Variants in ZC3H12B observed in about 807,000 individuals in gnomAD.
ZC3H12B encodes probable ribonuclease ZC3H12B.
A neutral mutation model predicts 43.9 loss-of-function variants in ZC3H12B; 7 were observed. The ratio of observed to expected loss-of-function variants is 0.16; its 90% CI spans 0.09 to 0.30. The LOEUF (loss-of-function observed/expected upper bound fraction) is 0.30, where lower values mean the gene tolerates loss of function less well. ZC3H12B is among the 10% of genes least tolerant of loss of function. The pLI, the probability that ZC3H12B is intolerant of heterozygous loss-of-function variation, is 1.00. For missense variants in ZC3H12B, 475 were observed against 670.2 expected, an observed-to-expected ratio of 0.71 and a Z score of 3.22; for synonymous variants, 222 against 241.7, an observed-to-expected ratio of 0.92 and a Z score of 0.76.
the ZC3H12B span, among the ~76,000 whole-genome samples, chrX:65,175,835 C>A: frequency 1.8e-5 from 2 of 111,608 alleles, no homozygotes; most frequent in Non-Finnish European, 3.8e-5. Context: ...AAAACTGTGC[C>A]ATGAGAGACG....
the ZC3H12B span, among the ~76,000 whole-genome samples, chrX:65,167,963 C>T: frequency 2.7e-5 from 3 of 111,887 alleles, no homozygotes; most frequent in Non-Finnish European, 5.6e-5. Flanking sequence ...TCGAAATATA[C>T]AGTCATGTCA....
At chrX:65,120,878 A>G in the ZC3H12B span, among the ~76,000 whole-genome samples, 4 of 111,513 alleles carry the variant, frequency 3.6e-5, no homozygotes, top group African/African-American at 1.3e-4. Context: ...GAATTTTGTG[A>G]AAGGCCTTTT....
the ZC3H12B span, among the ~76,000 whole-genome samples, chrX:65,200,824 G>A: frequency 3.0e-4 from 33 of 110,690 alleles, no homozygotes; most frequent in African/African-American, 9.5e-4. Flanking sequence ...AATTGCTTTC[G>A]GCATTACTGT....
the ZC3H12B span, among the ~76,000 whole-genome samples, chrX:65,336,737 G>T: frequency 8.9e-6 from 1 of 111,955 alleles, no homozygotes; most frequent in Non-Finnish European, 1.9e-5. Flanking sequence ...CCCACGTATT[G>T]CAGCAACACT....
the ZC3H12B span, among the ~76,000 whole-genome samples, chrX:65,285,340 C>T: frequency 9.0e-6 from 1 of 110,535 alleles, no homozygotes; most frequent in Admixed American, 9.7e-5. Flanking sequence ...GAGATTTAGA[C>T]ATTCAGATAC....
At chrX:65,273,788 G>C in the ZC3H12B span, among the ~76,000 whole-genome samples, 5 of 111,644 alleles carry the variant, frequency 4.5e-5, no homozygotes, top group African/African-American at 1.6e-4. Context: ...GGAGTGGAAT[G>C]ATAGATTCAA....
the ZC3H12B span, among the ~76,000 whole-genome samples, chrX:65,038,194 C>T: frequency 1.8e-5 from 2 of 111,411 alleles, no homozygotes; most frequent in Non-Finnish European, 3.8e-5. Context: ...CAGATTTACT[C>T]TGAGGAACAA....
chrX:65,287,589 C>T, the ZC3H12B span, among the ~76,000 whole-genome samples: 1 of 110,385 alleles, frequency 9.1e-6, no homozygotes, highest in African/African-American at 3.3e-5. Flanking sequence ...AGTGAGACCC[C>T]ATCTTTACAA....
At chrX:65,222,814 A>G in the ZC3H12B span, among the ~76,000 whole-genome samples, 3 of 110,380 alleles carry the variant, frequency 2.7e-5, no homozygotes, top group African/African-American at 9.9e-5. Context: ...TGCCAAAGGC[A>G]GTCTACAAAT....
At chrX:65,177,784 C>T in the ZC3H12B span, among the ~76,000 whole-genome samples, 7 of 112,062 alleles carry the variant, frequency 6.2e-5, no homozygotes, top group African/African-American at 2.3e-4. Flanking sequence ...AGGACACAAA[C>T]AATTGGAAAA....
At chrX:65,438,498 G>A (rs2067254211) in intron 3 of ZC3H12B, among the ~76,000 whole-genome samples, 1 of 112,293 alleles carries the variant, frequency 8.9e-6, no homozygotes, top group African/African-American at 3.2e-5. Context: ...AGAGGTGCTA[G>A]AGGAATTAAA....
the ZC3H12B span, among the ~76,000 whole-genome samples, chrX:65,174,666 G>T: frequency 3.6e-5 from 4 of 111,756 alleles, no homozygotes; most frequent in African/African-American, 1.3e-4. Context: ...GGCCTTCTTA[G>T]CACTGTCAGG....
At chrX:65,192,015 G>T in the ZC3H12B span, among the ~76,000 whole-genome samples, 2 of 108,986 alleles carry the variant, frequency 1.8e-5, no homozygotes, top group Non-Finnish European at 3.8e-5. Flanking sequence ...TGTTCTCGTT[G>T]GTTTCAAAGA....
the ZC3H12B span, among the ~76,000 whole-genome samples, chrX:65,283,677 C>T: frequency 9.0e-6 from 1 of 111,666 alleles, no homozygotes; most frequent in Non-Finnish European, 1.9e-5. Context: ...AGGAAGGGAG[C>T]TAGCACTAGA....
chrX:65,383,099 T>C (rs932226265), intron 2 of ZC3H12B, among the ~76,000 whole-genome samples: 1 of 110,976 alleles, frequency 9.0e-6, no homozygotes, highest in Non-Finnish European at 1.9e-5. Context: ...ATTGGAAAAA[T>C]CTACTTTAAA....
chrX:65,154,191 T>C, the ZC3H12B span, among the ~76,000 whole-genome samples: 1 of 111,511 alleles, frequency 9.0e-6, no homozygotes, highest in Non-Finnish European at 1.9e-5. Flanking sequence ...GTAACTAACC[T>C]GCACATTGTG....
chrX:65,356,318 T>C, the ZC3H12B span, among the ~76,000 whole-genome samples: 6 of 112,350 alleles, frequency 5.3e-5, no homozygotes, highest in African/African-American at 1.6e-4. Flanking sequence ...TATAGAACAG[T>C]TGGGAAATGC....
intron 3 of ZC3H12B, among the ~76,000 whole-genome samples, chrX:65,466,150 C>T (rs895608169): frequency 9.1e-6 from 1 of 110,448 alleles, no homozygotes; most frequent in African/African-American, 3.3e-5. Flanking sequence ...TGACAGACAT[C>T]CTCCCACATC....
chrX:65,349,126 C>T, the ZC3H12B span, among the ~76,000 whole-genome samples: 4 of 111,823 alleles, frequency 3.6e-5, no homozygotes, highest in African/African-American at 9.7e-5. Context: ...GAAAGTAAAA[C>T]GCTCCTCAGC....
Sources: gnomAD v4.1 joint callset for allele counts (sites outside exome capture counted in the v4.1 genomes callset) on GRCh38, gnomAD v4.1.1 for gene constraint, MANE v1.5 for transcripts, NCBI Gene and HGNC (gene_info 2026-07-23, HGNC 2026-07-21) for gene names.